Variants in CDH20 observed in about 807,000 individuals in gnomAD.
CDH20 encodes the protein cadherin 20.
Under a neutral mutation model 74.2 loss-of-function variants are expected in CDH20, and 29 were observed. That is an observed-to-expected ratio of 0.39 (90% CI 0.29 to 0.53). The LOEUF (loss-of-function observed/expected upper bound fraction) is 0.53, where lower values mean the gene tolerates loss of function less well. Among genes scored for constraint, CDH20 ranks in the 20% least tolerant of loss-of-function variants. CDH20 has a pLI of 0.69. For synonymous variants in CDH20, 469 were observed against 405.4 expected (o/e 1.16, Z -1.88); for missense variants, 988 against 1,048.3 (o/e 0.94, Z 0.79).
At chr18:61,399,650 C>T (rs528267336) in intron 1 of CDH20, among the ~76,000 whole-genome samples, 1 of 152,254 alleles carries the variant, frequency 6.6e-6, no homozygotes, top group African/African-American at 2.4e-5. Flanking sequence ...CCTCTCTCCA[C>T]CCCTGCCTAA....
At chr18:61,411,748 G>A (rs1912516353) in intron 1 of CDH20, among the ~76,000 whole-genome samples, 1 of 152,088 alleles carries the variant, frequency 6.6e-6, no homozygotes, top group South Asian at 2.1e-4. Context: ...TCTAAGGGAA[G>A]TAATTCAGGA....
chr18:61,361,625 G>A (rs1910697553), intron 1 of CDH20, among the ~76,000 whole-genome samples: 1 of 152,166 alleles, frequency 6.6e-6, no homozygotes, highest in Non-Finnish European at 1.5e-5. Flanking sequence ...GCCAACCAGT[G>A]CCTGCCCATG....
At chr18:61,430,497 C>T (rs1433936155) in intron 1 of CDH20, among the ~76,000 whole-genome samples, 2 of 152,158 alleles carry the variant, frequency 1.3e-5, no homozygotes, top group African/African-American at 2.4e-5. Context: ...CCATACTGTA[C>T]TCTTTGGAAG....
intron 5 of CDH20, among the ~76,000 whole-genome samples, chr18:61,506,566 T>C (rs1476653382): frequency 6.6e-6 from 1 of 152,064 alleles, no homozygotes; most frequent in Admixed American, 6.6e-5. Flanking sequence ...ATTGACAAAA[T>C]AACAAAAAAC....
Position 61,538,596 on chromosome 18 carries a change from G to GT in CDH20, c.1409-423dup, listed in dbSNP as rs533711893. Among the ~76,000 whole-genome samples, 131 of 24,474 alleles carry GT rather than the reference G, an allele frequency of 5.4e-3. 7 individuals carry two copies. The highest frequency in any genetic ancestry group is 0.012 in the South Asian group (5 of 418). The allele number at this position is 24,474 out of a possible 152,430, so 16.1% of individuals were successfully genotyped here. A position where few individuals can be genotyped will look rare whatever the true frequency, so the allele number is the denominator to read the frequency against. On this transcript the variant is annotated intron_variant, in intron 8 of 11. Transcript: ENST00000262717. ...ATAACTACTTTTTGTTTGTTTGTTT[G>GT]TTTTTGTTTTTGTTTTTGTTTTTGT...
intron 1 of CDH20, among the ~76,000 whole-genome samples, chr18:61,363,486 T>C (rs1910765030): frequency 6.6e-6 from 1 of 152,212 alleles, no homozygotes; most frequent in Non-Finnish European, 1.5e-5. Context: ...CATAGATGAA[T>C]AAGAGACGTC....
At chr18:61,522,134 TG>T (rs1912232372) in intron 6 of CDH20, among the ~76,000 whole-genome samples, 1 of 152,200 alleles carries the variant, frequency 6.6e-6, no homozygotes, top group Non-Finnish European at 1.5e-5. Context: ...AAATTGTCTT[TG>T]TTTGCAGATG....
Position 61,344,220 on chromosome 18 carries a change from A to G in CDH20, c.-153+10393A>G, listed in dbSNP as rs142690984. Among the ~76,000 whole-genome samples the G allele has an allele frequency of 9.0e-3, 1,378 of 152,336 alleles. 20 individuals carry two copies. Among genetic ancestry groups the G allele is most frequent in the African/African-American group, 0.032 (1,321 of 41,590 alleles). On this transcript the variant is annotated intron_variant, in intron 1 of 11. Transcript: ENST00000262717. ...CTACCACATGCCATATAAAATAAGA[A>G]TCACTTGCCATAGGCCAAGCCCTGT...
intron 1 of CDH20, among the ~76,000 whole-genome samples, chr18:61,459,420 G>C (rs1909691951): frequency 6.6e-6 from 1 of 152,164 alleles, no homozygotes; most frequent in South Asian, 2.1e-4. Context: ...GATGAAGGGG[G>C]AAGAGGAAGT....
chr18:61,491,508 G>A (rs1001327685), intron 2 of CDH20, among the ~76,000 whole-genome samples: 3 of 152,124 alleles, frequency 2.0e-5, no homozygotes, highest in African/African-American at 7.2e-5. Flanking sequence ...TAGCACAGAG[G>A]CTGGGAGCAT....
chr18:61,397,793 A>G (rs1252322107), intron 1 of CDH20, among the ~76,000 whole-genome samples: 1 of 152,200 alleles, frequency 6.6e-6, no homozygotes, highest in Non-Finnish European at 1.5e-5. Flanking sequence ...CATCTGTAAA[A>G]TGAGGGAAAC....
At chr18:61,446,064 C>T (rs998408179) in intron 1 of CDH20, among the ~76,000 whole-genome samples, 1 of 152,200 alleles carries the variant, frequency 6.6e-6, no homozygotes, top group South Asian at 2.1e-4. Context: ...AGCCATATCA[C>T]CTCTTAGGGC....
Position 61,528,173 on chromosome 18 carries a change from A to T in CDH20, c.1224A>T (p.Ile408=). The T allele has an allele frequency of 1.2e-6, 2 of 1,614,088 alleles. No homozygotes were observed. The highest frequency in any genetic ancestry group is 2.2e-5 in the South Asian group (2 of 91,080). ...VPEDVAIGTT[I]QIISAKDPDV... ...AGGATGTGGCGATTGGAACAACCAT[A>T]CAGATCATTTCTGCCAAGGACCCAG... The change falls in exon 7 of 12, where the codon ATA becomes ATT. Residue 408 remains isoleucine, a synonymous_variant. Coordinates refer to ENST00000262717, the MANE Select transcript of CDH20 (RefSeq NM_031891.4).
chr18:61,457,854 G>T (rs1404360062), intron 1 of CDH20, among the ~76,000 whole-genome samples: 1 of 152,170 alleles, frequency 6.6e-6, no homozygotes. Context: ...GCAATCCATA[G>T]CTGGCTGTGT....
intron 1 of CDH20, among the ~76,000 whole-genome samples, chr18:61,486,648 AT>A (rs1368403220): frequency 7.2e-5 from 11 of 152,150 alleles, no homozygotes; most frequent in African/African-American, 2.7e-4. Flanking sequence ...TTTTAAGTGC[AT>A]TTTTGAGACT....
chr18:61,517,092 CA>C (rs1263374803), intron 6 of CDH20, among the ~76,000 whole-genome samples: 1 of 152,062 alleles, frequency 6.6e-6, no homozygotes, highest in Non-Finnish European at 1.5e-5. Context: ...TATACCCCCA[CA>C]AAAAAACTCA....
At chr18:61,482,067 A>G (rs896495632) in intron 1 of CDH20, among the ~76,000 whole-genome samples, 1 of 152,082 alleles carries the variant, frequency 6.6e-6, no homozygotes, top group Non-Finnish European at 1.5e-5. Flanking sequence ...TTACCAGGTT[A>G]GCCACAGAGA....
intron 1 of CDH20, among the ~76,000 whole-genome samples, chr18:61,450,102 A>T (rs1909331365): frequency 6.6e-6 from 1 of 152,050 alleles, no homozygotes; most frequent in African/African-American, 2.4e-5. Context: ...ATGTAGTAAG[A>T]ATAACCAAAA....
chr18:61,429,930 A>G (rs926284027), intron 1 of CDH20, among the ~76,000 whole-genome samples: 1 of 152,180 alleles, frequency 6.6e-6, no homozygotes, highest in Non-Finnish European at 1.5e-5. Flanking sequence ...GCATCCTGAC[A>G]CTTTGGCTCC....
Sources: allele counts gnomAD v4.1 joint callset (sites outside exome capture counted in the v4.1 genomes callset), GRCh38; gene constraint gnomAD v4.1.1; transcripts MANE v1.5; gene names NCBI Gene and HGNC (gene_info 2026-07-23, HGNC 2026-07-21).